The following NHERF1 variants were observed in gnomAD, a reference collection of about 807,000 sequenced individuals.
The protein encoded by NHERF1 is Na(+)/H(+) exchange regulatory cofactor NHE-RF1.
chr17:74,749,023 G>T, the NHERF1 span: 2 of 1,605,436 alleles, frequency 1.2e-6, no homozygotes, highest in Middle Eastern at 3.3e-4. This position sits in a 1 kb window ranked among gnomAD's most constrained non-coding sequence, Gnocchi z 5.6. Context: ...GGGACCGGCT[G>T]GTGGAGGTGA....
the NHERF1 span, among the ~76,000 whole-genome samples, chr17:74,765,421 A>G: frequency 3.3e-5 from 5 of 151,498 alleles, no homozygotes; most frequent in African/African-American, 7.3e-5. Flanking sequence ...CACCACGCCC[A>G]GCAAATTTTT....
the NHERF1 span, among the ~76,000 whole-genome samples, chr17:74,754,139 G>A: frequency 4.6e-5 from 7 of 151,800 alleles, no homozygotes; most frequent in African/African-American, 1.2e-4. Context: ...ACTCCAGCCC[G>A]AGCAGCAGAG....
chr17:74,756,877 T>C, the NHERF1 span, among the ~76,000 whole-genome samples: 1 of 152,242 alleles, frequency 6.6e-6, no homozygotes. Context: ...TGCTATTTGT[T>C]ACTTCAGTGT....
the NHERF1 span, chr17:74,763,109 C>A: frequency 2.4e-6 from 1 of 424,986 alleles, no homozygotes; most frequent in Non-Finnish European, 4.2e-6. Context: ...CCATCTCTCC[C>A]AGCTGTGTTT....
At chr17:74,763,351 C>T in the NHERF1 span, 7 of 1,609,376 alleles carry the variant, frequency 4.3e-6, no homozygotes, top group Admixed American at 5.0e-5. Context: ...AACGCCTCCC[C>T]GACCCTGCCC....
At chr17:74,768,461 T>G in the NHERF1 span, 2 of 1,613,950 alleles carry the variant, frequency 1.2e-6, no homozygotes, top group Non-Finnish European at 8.5e-7. Flanking sequence ...CCCACTTCTC[T>G]TTACAGCTGA....
chr17:74,761,320 G>A, the NHERF1 span, among the ~76,000 whole-genome samples: 5 of 152,158 alleles, frequency 3.3e-5, no homozygotes, highest in African/African-American at 4.8e-5. The surrounding 1 kb of genome is among the most constrained non-coding windows in gnomAD (Gnocchi z 4.3). Context: ...CAGCGGTGTC[G>A]GGGGAGGAGG....
the NHERF1 span, among the ~76,000 whole-genome samples, chr17:74,755,358 A>C: frequency 2.0e-5 from 3 of 151,342 alleles, no homozygotes; most frequent in Non-Finnish European, 4.4e-5. Flanking sequence ...CCAAGTATCT[A>C]CCCCCGCCCT....
At chr17:74,749,101 C>T in the NHERF1 span, 5 of 1,583,464 alleles carry the variant, frequency 3.2e-6, no homozygotes, top group Non-Finnish European at 4.3e-6. This position sits in a 1 kb window ranked among gnomAD's most constrained non-coding sequence, Gnocchi z 5.6. Context: ...CACTCAACGC[C>T]GTGCGCCTGC....
At chr17:74,768,097 AC>A in the NHERF1 span, 2 of 1,252,820 alleles carry the variant, frequency 1.6e-6, no homozygotes, top group African/African-American at 1.5e-5. Flanking sequence ...CCTCCTCAGG[AC>A]CCCCTCACCC....
chr17:74,751,807 C>G, the NHERF1 span, among the ~76,000 whole-genome samples: 1 of 152,218 alleles, frequency 6.6e-6, no homozygotes, highest in East Asian at 1.9e-4. This position sits in a 1 kb window ranked among gnomAD's most constrained non-coding sequence, Gnocchi z 4.3. Flanking sequence ...CGGGCAGAGC[C>G]GAGCCAGCTC....
At chr17:74,752,626 T>G in the NHERF1 span, among the ~76,000 whole-genome samples, 5 of 152,330 alleles carry the variant, frequency 3.3e-5, no homozygotes, top group Non-Finnish European at 5.9e-5. Flanking sequence ...CCCTAGTAGC[T>G]GGGACTACAG....
chr17:74,749,036 G>C, the NHERF1 span: 1 of 1,600,152 alleles, frequency 6.2e-7, no homozygotes, highest in Non-Finnish European at 8.5e-7. This position sits in a 1 kb window ranked among gnomAD's most constrained non-coding sequence, Gnocchi z 5.6. Flanking sequence ...GGAGGTGAAC[G>C]GCGAAAACGT....
the NHERF1 span, among the ~76,000 whole-genome samples, chr17:74,760,775 A>G: frequency 2.6e-5 from 4 of 152,242 alleles, no homozygotes; most frequent in Admixed American, 6.5e-5. The surrounding 1 kb of genome is among the most constrained non-coding windows in gnomAD (Gnocchi z 4.5). Context: ...GTTTAAGTCA[A>G]TGACCTCACT....
At chr17:74,763,658 G>A in the NHERF1 span, 2 of 858,324 alleles carry the variant, frequency 2.3e-6, no homozygotes, top group Non-Finnish European at 1.8e-6. Flanking sequence ...CCTCCTTCAT[G>A]GGAGGCCCAG....
At chr17:74,749,870 CT>C in the NHERF1 span, among the ~76,000 whole-genome samples, 1 of 152,232 alleles carries the variant, frequency 6.6e-6, no homozygotes, top group Non-Finnish European at 1.5e-5. The surrounding 1 kb of genome is among the most constrained non-coding windows in gnomAD (Gnocchi z 5.6). Context: ...TCCTGTGTGA[CT>C]TCTAAGGGAG....
the NHERF1 span, among the ~76,000 whole-genome samples, chr17:74,755,673 T>C: frequency 2.0e-5 from 3 of 151,830 alleles, no homozygotes; most frequent in Non-Finnish European, 4.4e-5. Context: ...GGAACAGCAA[T>C]GGCCAGGGGT....
At chr17:74,765,936 C>T in the NHERF1 span, among the ~76,000 whole-genome samples, 4 of 152,052 alleles carry the variant, frequency 2.6e-5, no homozygotes, top group Non-Finnish European at 5.9e-5. Context: ...ACCTGGGAAG[C>T]GTTTGGAAAA....
chr17:74,749,123 C>T, the NHERF1 span: 2 of 1,572,150 alleles, frequency 1.3e-6, no homozygotes, highest in Admixed American at 3.8e-5. The surrounding 1 kb of genome is among the most constrained non-coding windows in gnomAD (Gnocchi z 5.6). Flanking sequence ...GGTGGTCGAC[C>T]CCGAGACGGA....
Sources: allele counts gnomAD v4.1 joint callset (sites outside exome capture counted in the v4.1 genomes callset), GRCh38; gene constraint gnomAD v4.1.1; non-coding constraint Gnocchi (gnomAD v3.1); transcripts MANE v1.5; gene names NCBI Gene and HGNC (gene_info 2026-07-23, HGNC 2026-07-21).